KCNB2: variants seen among roughly 807,000 people sequenced by gnomAD.
The protein encoded by KCNB2 is potassium voltage-gated channel subfamily B member 2.
KCNB2 carries 15 observed loss-of-function variants against 61.5 expected under a neutral mutation model. The ratio of observed to expected loss-of-function variants is 0.24; its 90% CI spans 0.16 to 0.38. The LOEUF (loss-of-function observed/expected upper bound fraction) is 0.38, where lower values mean the gene tolerates loss of function less well. KCNB2 is among the 10% of genes least tolerant of loss of function. The pLI is 1.00. For synonymous variants in KCNB2, 457 were observed against 446.0 expected, an observed-to-expected ratio of 1.02 and a Z score of -0.31; for missense variants, 828 against 1,125.2, an observed-to-expected ratio of 0.74 and a Z score of 3.78.
At chr8:72,687,631 A>G (rs1052099935) in intron 2 of KCNB2, among the ~76,000 whole-genome samples, 11 of 152,170 alleles carry the variant, frequency 7.2e-5, no homozygotes, top group Non-Finnish European at 1.5e-4. Context: ...CACAAACTCA[A>G]TTGTTTCAAA....
chr8:72,896,934 T>TGC, intron 2 of KCNB2, among the ~76,000 whole-genome samples: 1 of 152,266 alleles, frequency 6.6e-6, no homozygotes, highest in East Asian at 1.9e-4. Context: ...CATTTTTGAA[T>TGC]TGCTTTTTGT....
chr8:72,814,969 G>A (rs560400121), intron 2 of KCNB2, among the ~76,000 whole-genome samples: 2 of 152,126 alleles, frequency 1.3e-5, no homozygotes, highest in African/African-American at 2.4e-5. Context: ...GAGAAACAAA[G>A]CAGAGCCAAG....
chr8:72,620,336 G>A (rs1003991444), intron 2 of KCNB2, among the ~76,000 whole-genome samples: 1 of 152,202 alleles, frequency 6.6e-6, no homozygotes, highest in Non-Finnish European at 1.5e-5. Flanking sequence ...GAAAAGAAGA[G>A]GCCGTTTTAT....
At chr8:72,850,890 T>G (rs1388983856) in intron 2 of KCNB2, among the ~76,000 whole-genome samples, 1 of 74,828 alleles carries the variant, frequency 1.3e-5, no homozygotes, top group Non-Finnish European at 3.3e-5. Context: ...TCTTTTATAG[T>G]CAATTTGATT....
chr8:72,853,186 TCA>T (rs1215606000), intron 2 of KCNB2, among the ~76,000 whole-genome samples: 1 of 152,168 alleles, frequency 6.6e-6, no homozygotes, highest in Admixed American at 6.5e-5. Context: ...CCTCAACTGC[TCA>T]GAGTGTTGGC....
chr8:72,802,346 A>G (rs1480095989), intron 2 of KCNB2, among the ~76,000 whole-genome samples: 1 of 152,216 alleles, frequency 6.6e-6, no homozygotes, highest in Non-Finnish European at 1.5e-5. Context: ...AGAATAACAC[A>G]GAGTATTGTC....
chr8:72,697,661 A>G (rs533853962), intron 2 of KCNB2, among the ~76,000 whole-genome samples: 11 of 152,302 alleles, frequency 7.2e-5, no homozygotes, highest in African/African-American at 2.2e-4. Context: ...AAAAGAAAAC[A>G]GAAAAAAAGA....
intron 2 of KCNB2, among the ~76,000 whole-genome samples, chr8:72,932,722 C>T (rs561908914): frequency 5.3e-5 from 8 of 152,046 alleles, no homozygotes; most frequent in Admixed American, 6.6e-5. Context: ...TGGAGGCCTG[C>T]GTTAGTGAGA....
intron 2 of KCNB2, among the ~76,000 whole-genome samples, chr8:72,683,293 A>T (rs1169184088): frequency 6.6e-6 from 1 of 152,186 alleles, no homozygotes; most frequent in Non-Finnish European, 1.5e-5. Context: ...TTGATTATTC[A>T]TGCATGTAAG....
chr8:72,707,257 AG>A (rs1338582635), intron 2 of KCNB2, among the ~76,000 whole-genome samples: 17 of 152,208 alleles, frequency 1.1e-4, no homozygotes, highest in African/African-American at 3.9e-4. Context: ...ACAGACAAAA[AG>A]TGGCTCTGCT....
intron 2 of KCNB2, among the ~76,000 whole-genome samples, chr8:72,835,551 T>A (rs750020581): frequency 6.6e-6 from 1 of 152,202 alleles, no homozygotes; most frequent in Admixed American, 6.5e-5. Context: ...TTGACAATAC[T>A]TACTGTACTT....
intron 2 of KCNB2, among the ~76,000 whole-genome samples, chr8:72,611,511 C>T (rs1805538993): frequency 1.3e-5 from 2 of 152,140 alleles, no homozygotes; most frequent in African/African-American, 4.8e-5. Context: ...TTGTATCTTG[C>T]AATATGGACT....
intron 2 of KCNB2, among the ~76,000 whole-genome samples, chr8:72,703,096 A>G (rs986891693): frequency 6.6e-6 from 1 of 152,232 alleles, no homozygotes; most frequent in Admixed American, 6.5e-5. Context: ...TGAATGCTTA[A>G]TCAGAAGGCC....
At chr8:72,838,377 C>T (rs553092222) in intron 2 of KCNB2, among the ~76,000 whole-genome samples, 4 of 152,236 alleles carry the variant, frequency 2.6e-5, no homozygotes, top group African/African-American at 9.6e-5. Flanking sequence ...GTTTTCTGTC[C>T]TTGTGATAGT....
rs578033035 is a variant in KCNB2, at chr8:72,921,080, G to C, written c.580-14855G>C. 3.3e-4 allele frequency among the ~76,000 whole-genome samples: 50 copies of C among 152,050 alleles called. 1 individual carries two copies. The highest frequency in any genetic ancestry group is 1.9e-4 in the Non-Finnish European group (13 of 68,008). ...ATTGAGTGAAATTATCCAAAGTTCA[G>C]CTTGAGAAACATTGGGATCATGTTA... is the stretch of plus-strand genomic sequence containing the variant. On this transcript the variant is annotated intron_variant, in intron 2 of 2. Transcript: ENST00000523207.
At chr8:72,831,531 A>C (rs1809695443) in intron 2 of KCNB2, among the ~76,000 whole-genome samples, 1 of 152,248 alleles carries the variant, frequency 6.6e-6, no homozygotes, top group Non-Finnish European at 1.5e-5. Flanking sequence ...TGTGGGTGTG[A>C]TTCAAACAGT....
At chr8:72,556,057 ATTAT>A (rs942964103) in intron 1 of KCNB2, among the ~76,000 whole-genome samples, 5 of 151,922 alleles carry the variant, frequency 3.3e-5, no homozygotes, top group African/African-American at 1.2e-4. Flanking sequence ...TGTTTTTCTC[ATTAT>A]TTATTTCAAG....
intron 2 of KCNB2, among the ~76,000 whole-genome samples, chr8:72,829,868 C>A (rs538245046): frequency 4.4e-4 from 66 of 150,804 alleles, no homozygotes; most frequent in African/African-American, 1.2e-3. Flanking sequence ...TCATAACCAT[C>A]AATATATGAA....
chr8:72,829,725 T>C (rs1486132149), intron 2 of KCNB2, among the ~76,000 whole-genome samples: 1 of 152,150 alleles, frequency 6.6e-6, no homozygotes, highest in Non-Finnish European at 1.5e-5. Context: ...TACATTCCAA[T>C]ATTACCCTTT....
Sources: gnomAD v4.1 joint callset for allele counts (sites outside exome capture counted in the v4.1 genomes callset) on GRCh38, gnomAD v4.1.1 for gene constraint, MANE v1.5 for transcripts, NCBI Gene and HGNC (gene_info 2026-07-23, HGNC 2026-07-21) for gene names.